The following ARPC4 variants were observed in gnomAD, a reference collection of about 807,000 sequenced individuals.
ARPC4 encodes actin-related protein 2/3 complex subunit 4.
Under a neutral mutation model 22.8 loss-of-function variants are expected in ARPC4, and 3 were observed. That is an observed-to-expected ratio of 0.13 (90% CI 0.06 to 0.34). The LOEUF (loss-of-function observed/expected upper bound fraction) is 0.34. Among genes scored for constraint, ARPC4 ranks in the 10% least tolerant of loss-of-function variants. ARPC4 has a pLI of 1.00. For missense variants in ARPC4, 98 were observed against 211.0 expected (o/e 0.46, Z 3.32); for synonymous variants, 80 against 72.5 (o/e 1.10, Z -0.52).
At chr3:9,805,587 C>T (rs1195188586) in intron 5 of ARPC4, among the ~76,000 whole-genome samples, 7 of 152,254 alleles carry the variant, frequency 4.6e-5, no homozygotes, top group Admixed American at 2.0e-4. Context: ...TTGTATATGG[C>T]ATCTTCCATG....
Position 9,803,825 on chromosome 3 carries a change from T to A in ARPC4, c.331-18T>A, listed in dbSNP as rs1246068918. Reference sequence around the variant, plus strand: ...TCCTGTTCCTTCTCTTCCCCCTCCCTACTGTCTTCTTCCCTAGGGGTATGA... The same window carrying A: ...TCCTGTTCCTTCTCTTCCCCCTCCCAACTGTCTTCTTCCCTAGGGGTATGA... On this transcript the variant is annotated intron_variant, in intron 4 of 5. Coordinates refer to ENST00000397261, the MANE Select transcript of ARPC4 (RefSeq NM_005718.5). 8.1e-6 allele frequency: 13 copies of A among 1,610,832 alleles called. No homozygotes were observed. The highest frequency in any genetic ancestry group is 1.3e-5 in the African/African-American group (1 of 74,876).
At position 9,797,794 on chromosome 3, in the gene ARPC4, C is replaced by A; in HGVS notation, c.122+17C>A. Reference sequence around the variant, plus strand: ...GGAAGTCAGGTAGGGAAGGACAAGTCAAGGTGGGGATGAGGGGTGCAGCAC... The same window carrying A: ...GGAAGTCAGGTAGGGAAGGACAAGTAAAGGTGGGGATGAGGGGTGCAGCAC... On this transcript the variant is annotated intron_variant, in intron 2 of 5. Coordinates refer to ENST00000397261, the MANE Select transcript of ARPC4 (RefSeq NM_005718.5). The A allele has an allele frequency of 6.2e-7, 1 of 1,611,504 alleles. No individual in the cohort carries two copies. The highest frequency in any genetic ancestry group is 1.1e-5 in the South Asian group (1 of 90,896).
chr3:9,800,884 G>A (rs2078993288), intron 3 of ARPC4, among the ~76,000 whole-genome samples: 1 of 152,152 alleles, frequency 6.6e-6, no homozygotes, highest in East Asian at 1.9e-4. Context: ...GGGCATGCTA[G>A]CAACCAGCAG....
At chr3:9,801,843 C>T in intron 4 of ARPC4, 87 bp downstream of exon 4, 2 of 1,314,004 alleles carry the variant, frequency 1.5e-6, no homozygotes, top group Non-Finnish European at 1.0e-6. Flanking sequence ...GCTACTCCAG[C>T]TGTTTGGCAC....
At chr3:9,797,508 T>TCTACAC in intron 1 of ARPC4, 151 bp from the exon 2 acceptor site, 1 of 755,356 alleles carries the variant, frequency 1.3e-6, no homozygotes, top group African/African-American at 1.8e-5. Context: ...TTGGAAGGCG[T>TCTACAC]CTCGAAGGCC....
intron 1 of ARPC4, among the ~76,000 whole-genome samples, chr3:9,795,903 C>G (rs890964077): frequency 6.6e-6 from 1 of 152,152 alleles, no homozygotes; most frequent in Non-Finnish European, 1.5e-5. Context: ...TGAGACCAGC[C>G]TGGCCAACAT....
intron 1 of ARPC4, among the ~76,000 whole-genome samples, chr3:9,795,082 T>C (rs1005376868): frequency 1.3e-5 from 2 of 152,112 alleles, no homozygotes; most frequent in Admixed American, 1.3e-4. Context: ...CTCGGCTCAC[T>C]GCAACCTCAG....
intron 1 of ARPC4, among the ~76,000 whole-genome samples, chr3:9,796,772 T>A (rs1188667612): frequency 2.6e-5 from 4 of 151,760 alleles, no homozygotes; most frequent in Admixed American, 6.6e-5. Context: ...AAACCCTGTC[T>A]CTACTAAAAA....
intron 1 of ARPC4, among the ~76,000 whole-genome samples, chr3:9,797,458 A>C (rs149737266): frequency 6.6e-6 from 1 of 152,220 alleles, no homozygotes; most frequent in Non-Finnish European, 1.5e-5. Flanking sequence ...GTACCCTGGC[A>C]GGCAAAATTG....
At chr3:9,801,867 T>C (rs2079016325) in intron 4 of ARPC4, 111 bp downstream of exon 4, 4 of 1,104,936 alleles carry the variant, frequency 3.6e-6, no homozygotes, top group Admixed American at 2.7e-5. Context: ...CTGCCTGAAT[T>C]GAGAGTTGGC....
rs557369214 is a variant in ARPC4, at chr3:9,798,867, C to T, written c.122+1090C>T. Among the ~76,000 whole-genome samples the T allele has an allele frequency of 3.2e-4, 42 of 129,682 alleles. No homozygotes were observed. In the East Asian group the frequency reaches 4.0e-3, roughly 12 times the overall value. The allele number at this position is 129,682 out of a possible 152,430, so 85.1% of individuals were successfully genotyped here. On this transcript the variant is annotated intron_variant, in intron 2 of 5. Transcript: ENST00000397261. ...CCAGCCTGGCAGCAGAGCAAGACTTCGTCTCAAAAATAAAATAAAATAAAA... is the reference window on the plus strand; with the variant it reads ...CCAGCCTGGCAGCAGAGCAAGACTTTGTCTCAAAAATAAAATAAAATAAAA...
At position 9,806,579 on chromosome 3, in the gene ARPC4, T is replaced by C. The variant is rs1575338971; in HGVS notation, c.*364T>C. The C allele has an allele frequency of 3.2e-6, 1 of 309,210 alleles. No homozygotes were observed. The allele number at this position is 309,210 out of a possible 1,614,324, so 19.2% of individuals were successfully genotyped here. ...TGGCTGTGACTGGTCCCAGTGATTA[T>C]ACGTTATTGGTTGCTGTGGGTCTGG... On this transcript the variant is annotated 3_prime_UTR_variant, in exon 6 of 6. Coordinates refer to ENST00000397261, the MANE Select transcript of ARPC4 (RefSeq NM_005718.5).
intron 1 of ARPC4, among the ~76,000 whole-genome samples, chr3:9,796,319 A>G (rs2078884378): frequency 6.6e-6 from 1 of 152,270 alleles, no homozygotes; most frequent in South Asian, 2.1e-4. Context: ...GCTTTAACCC[A>G]GGAGGCGGCG....
In ARPC4 at chr3:9,806,304, G is replaced by A. The variant is rs564242924; in HGVS notation, c.*89G>A. 233 of 1,488,544 alleles carry A rather than the reference G, an allele frequency of 1.6e-4. 2 individuals are homozygous for A. The South Asian group carries it at 2.2e-3, about 14-fold the overall frequency. The allele number at this position is 1,488,544 out of a possible 1,614,324, so 92.2% of individuals were successfully genotyped here. On this transcript the variant is annotated 3_prime_UTR_variant, in exon 6 of 6. Transcript: ENST00000397261. ...GGAGTCACTCCCCGAGCAGCGCGGC[G>A]GCGGCAGGGAGTTGGGTTGGGGTGG...
intron 4 of ARPC4, among the ~76,000 whole-genome samples, chr3:9,802,735 C>T (rs1320985118): frequency 5.5e-5 from 8 of 145,750 alleles, no homozygotes; most frequent in Admixed American, 2.9e-4. Context: ...AGTGCAGTGG[C>T]GCAGTCTCAC....
At chr3:9,804,492 C>T (rs1389938893) in intron 5 of ARPC4, among the ~76,000 whole-genome samples, 1 of 152,234 alleles carries the variant, frequency 6.6e-6, no homozygotes, top group Non-Finnish European at 1.5e-5. Flanking sequence ...GGCGTAAGTC[C>T]TCCAGATTCC....
At chr3:9,797,607 G>GCCCTA (rs776350799) in intron 1 of ARPC4, 52 bp from the exon 2 acceptor site, 304 of 1,586,602 alleles carry the variant, frequency 1.9e-4, no homozygotes, top group African/African-American at 1.3e-3. Context: ...GGATCGGTGG[G>GCCCTA]TTTGGCGTGA....
chr3:9,797,970 C>A, intron 2 of ARPC4, 193 bp downstream of exon 2: 1 of 599,844 alleles, frequency 1.7e-6, no homozygotes, highest in Non-Finnish European at 2.9e-6. Context: ...CAGGACAGAA[C>A]CCAGGGGAAA....
At chr3:9,802,853 T>TTTTAGTAG (rs1437543835) in intron 4 of ARPC4, among the ~76,000 whole-genome samples, 4 of 150,738 alleles carry the variant, frequency 2.7e-5, no homozygotes, top group East Asian at 3.9e-4. Flanking sequence ...AATTTTGTAT[T>TTTTAGTAG]TTTAGTAGTT....
Sources: allele counts gnomAD v4.1 joint callset (sites outside exome capture counted in the v4.1 genomes callset), GRCh38; gene constraint gnomAD v4.1.1; transcripts MANE v1.5; gene names NCBI Gene and HGNC (gene_info 2026-07-23, HGNC 2026-07-21).